VPS13A: variants seen among roughly 807,000 people sequenced by gnomAD.
The protein encoded by VPS13A is vacuolar protein sorting 13 homolog A.
In VPS13A, 264 loss-of-function variants were observed where a neutral mutation model predicts 390.9. The observed-to-expected ratio is 0.68, with a 90% CI of 0.61 to 0.75. The LOEUF (loss-of-function observed/expected upper bound fraction) is 0.75. Among genes scored for constraint, VPS13A ranks in the 30% least tolerant of loss-of-function variants. The probability of loss-of-function intolerance (pLI) is 0.00; values close to 1 mark genes in which losing one functional copy is unlikely to be tolerated. For missense variants in VPS13A, 3,409 were observed against 3,733.9 expected, an observed-to-expected ratio of 0.91 and a Z score of 2.27; for synonymous variants, 1,231 against 1,227.1, an observed-to-expected ratio of 1.00 and a Z score of -0.07.
At chr9:77,399,607 G>A (rs776994388) in intron 68 of VPS13A, among the ~76,000 whole-genome samples, 6 of 152,104 alleles carry the variant, frequency 3.9e-5, no homozygotes, top group Non-Finnish European at 8.8e-5. Context: ...ATCAACATTT[G>A]TATTCTTCAT....
At chr9:77,373,938 A>G (rs1480069667) in intron 67 of VPS13A, among the ~76,000 whole-genome samples, 1 of 152,162 alleles carries the variant, frequency 6.6e-6, no homozygotes, top group Non-Finnish European at 1.5e-5. Flanking sequence ...GTTCCCCTTT[A>G]TTTTTCATTC....
At chr9:77,324,593 T>C (rs1411199384) in intron 45 of VPS13A, among the ~76,000 whole-genome samples, 2 of 152,228 alleles carry the variant, frequency 1.3e-5, no homozygotes, top group African/African-American at 4.8e-5. Context: ...TAATCTCACA[T>C]AATCATGACG....
intron 13 of VPS13A, among the ~76,000 whole-genome samples, chr9:77,222,738 CTGTT>C (rs1412935281): frequency 1.3e-5 from 2 of 152,152 alleles, no homozygotes; most frequent in African/African-American, 2.4e-5. Flanking sequence ...ACTGTTGTAA[CTGTT>C]TTGGGGTGCC....
intron 1 of VPS13A, among the ~76,000 whole-genome samples, chr9:77,187,243 A>G (rs1469291060): frequency 6.6e-6 from 1 of 152,134 alleles, no homozygotes; most frequent in Non-Finnish European, 1.5e-5. Flanking sequence ...TGGGTTACAT[A>G]CCCAGAAGCA....
chr9:77,227,536 G>A (rs1379657861), intron 16 of VPS13A, 51 bp downstream of exon 16: 3 of 1,386,502 alleles, frequency 2.2e-6, no homozygotes, highest in South Asian at 2.4e-5. Flanking sequence ...TTATTTATTT[G>A]TTTAGAGACA....
chr9:77,292,395 A>G (rs956948595), intron 31 of VPS13A, among the ~76,000 whole-genome samples: 2 of 151,974 alleles, frequency 1.3e-5, no homozygotes, highest in Non-Finnish European at 2.9e-5. Context: ...TTAGATTTTT[A>G]GGGATCTTTG....
intron 4 of VPS13A, among the ~76,000 whole-genome samples, chr9:77,205,614 T>TG (rs373724629): frequency 6.6e-6 from 1 of 152,058 alleles, no homozygotes; most frequent in African/African-American, 2.4e-5. Context: ...TTTTTTAAGA[T>TG]GGAGTCTCGC....
In VPS13A at chr9:77,339,878, T is replaced by A; in HGVS notation, c.6741T>A (p.Ser2247=). The A allele has an allele frequency of 1.7e-5, 27 of 1,612,818 alleles. No homozygotes were observed. The highest frequency in any genetic ancestry group is 2.3e-5 in the Non-Finnish European group (27 of 1,179,910). Residue 2247 remains serine (S), a synonymous_variant, in exon 48 of 72, where the codon TCT becomes TCA. Transcript: ENST00000360280. ...ATTATAAAAAGCCAGTTCTCTTTTCTTTTCAGCCAAATCACTTTTTTAATA... is the reference window on the plus strand; with the variant it reads ...ATTATAAAAAGCCAGTTCTCTTTTCATTTCAGCCAAATCACTTTTTTAATA... The part of the protein sequence containing the change: ...PPNYKKPVLF[S]FQPNHFFNNN...
At chr9:77,380,479 T>G (rs550705595) in intron 67 of VPS13A, among the ~76,000 whole-genome samples, 1 of 151,958 alleles carries the variant, frequency 6.6e-6, no homozygotes, top group Non-Finnish European at 1.5e-5. Context: ...GCCCGGCTAA[T>G]TTTTGTATTT....
intron 54 of VPS13A, among the ~76,000 whole-genome samples, chr9:77,356,074 A>C (rs1166507447): frequency 6.6e-6 from 1 of 152,334 alleles, no homozygotes; most frequent in South Asian, 2.1e-4. Flanking sequence ...CAGAGTCTAC[A>C]GTGGTCTACA....
At chr9:77,179,280 G>C (rs1823854351) in intron 1 of VPS13A, among the ~76,000 whole-genome samples, 1 of 152,104 alleles carries the variant, frequency 6.6e-6, no homozygotes, top group Non-Finnish European at 1.5e-5. Context: ...GTTCTGTCTT[G>C]ACAAATGCTA....
chr9:77,420,903 A>G lies in VPS13A; in HGVS notation c.*4897A>G, dbSNP rs1280676210. The G allele has an allele frequency of 6.6e-6, 1 of 151,810 alleles. No homozygotes were observed. Among genetic ancestry groups the G allele is most frequent in the Non-Finnish European group, 1.5e-5 (1 of 68,036 alleles). The allele number at this position is 151,810 out of a possible 1,614,324, so 9.4% of individuals were successfully genotyped here. The stretch of plus-strand genomic sequence containing the variant: ...TAGGCTGAAAAACATTCAAGTAAAA[A>G]TGTAGCATAGATTACACTGAAATAT... On this transcript the variant is annotated 3_prime_UTR_variant, in exon 72 of 72. Transcript: ENST00000360280.
chr9:77,338,417 C>T (rs1830647078), intron 47 of VPS13A: 1 of 152,120 alleles, frequency 6.6e-6, no homozygotes, highest in Admixed American at 6.5e-5. Context: ...AAATTGCATC[C>T]TAGCTCTGTC....
At chr9:77,346,877 C>T (rs796506031) in intron 52 of VPS13A, among the ~76,000 whole-genome samples, 3 of 152,342 alleles carry the variant, frequency 2.0e-5, no homozygotes, top group African/African-American at 7.2e-5. Flanking sequence ...ACCATTAAGT[C>T]AACTCTATCT....
chr9:77,338,705 C>T (rs1186690654), intron 47 of VPS13A: 1 of 152,044 alleles, frequency 6.6e-6, no homozygotes, highest in Non-Finnish European at 1.5e-5. Flanking sequence ...AATTTAAAAT[C>T]ATGAGATGAA....
Position 77,283,630 on chromosome 9 carries a change from A to T in VPS13A, c.3319A>T (p.Ile1107Leu). 6.2e-7 allele frequency: 1 copy of T among 1,608,004 alleles called. No homozygotes were observed. Among genetic ancestry groups the T allele is most frequent in the Non-Finnish European group, 8.5e-7 (1 of 1,175,374 alleles). Residue 1107 changes from isoleucine to leucine, a missense_variant, in exon 31 of 72, where the codon ATA (isoleucine) becomes TTA (leucine). Ile to Leu is a conservative substitution (Grantham distance 5, BLOSUM62 2). Transcript: ENST00000360280. ...LRNIIVLDSD[I>L]TAIYKKAVYI... ...GAATATAATTGTTTTAGATTCTGATATAACAGCTATATACAAAAAGGTAAG... is the reference window on the plus strand; with the variant it reads ...GAATATAATTGTTTTAGATTCTGATTTAACAGCTATATACAAAAAGGTAAG...
intron 68 of VPS13A, among the ~76,000 whole-genome samples, chr9:77,387,009 C>T (rs1260237537): frequency 1.3e-5 from 2 of 151,992 alleles, no homozygotes; most frequent in Non-Finnish European, 2.9e-5. Flanking sequence ...CAGCCGAGAT[C>T]TGCTCTTTGA....
At chr9:77,195,423 C>T (rs1662119886) in intron 1 of VPS13A, among the ~76,000 whole-genome samples, 1 of 152,096 alleles carries the variant, frequency 6.6e-6, no homozygotes, top group Admixed American at 6.5e-5. Flanking sequence ...CTTGCCCAAC[C>T]TATTGATCTT....
Position 77,419,529 on chromosome 9 carries a change from C to T in VPS13A, c.*3523C>T, listed in dbSNP as rs1270211514. 1 of 152,180 alleles carries T rather than the reference C, an allele frequency of 6.6e-6. No individual in the cohort carries two copies. The highest frequency in any genetic ancestry group is 1.5e-5 in the Non-Finnish European group (1 of 68,040). The allele number at this position is 152,180 out of a possible 1,614,324, so 9.4% of individuals were successfully genotyped here. Reference sequence around the variant, plus strand: ...GATAAGGAGCAGCAGATCCACAACTCAGGAAGTCTAGAGATGCTTAGCACT... The same window carrying T: ...GATAAGGAGCAGCAGATCCACAACTTAGGAAGTCTAGAGATGCTTAGCACT... On this transcript the variant is annotated 3_prime_UTR_variant, in exon 72 of 72. Coordinates refer to ENST00000360280, the MANE Select transcript of VPS13A (RefSeq NM_033305.3).
Sources: allele counts gnomAD v4.1 joint callset (sites outside exome capture counted in the v4.1 genomes callset), GRCh38; gene constraint gnomAD v4.1.1; transcripts MANE v1.5; gene names NCBI Gene and HGNC (gene_info 2026-07-23, HGNC 2026-07-21).